Variants in TUT4 observed in about 807,000 individuals in gnomAD.
TUT4 encodes terminal uridylyltransferase 4.
TUT4 carries 36 observed loss-of-function variants against 192.2 expected under a neutral mutation model. That is an observed-to-expected ratio of 0.19 (90% confidence interval 0.14 to 0.25). The LOEUF (loss-of-function observed/expected upper bound fraction) is 0.25. Among genes scored for constraint, TUT4 ranks in the 10% least tolerant of loss-of-function variants. The probability of loss-of-function intolerance (pLI) is 1.00; values close to 1 mark genes in which losing one functional copy is unlikely to be tolerated. For missense variants in TUT4, 1,493 were observed against 1,957.2 expected, an observed-to-expected ratio of 0.76 and a Z score of 4.47; for synonymous variants, 618 against 666.0, an observed-to-expected ratio of 0.93 and a Z score of 1.11.
chr1:52,506,733 G>A (rs1407449675), intron 4 of TUT4, among the ~76,000 whole-genome samples: 1 of 151,962 alleles, frequency 6.6e-6, no homozygotes. Flanking sequence ...CTGTCTTACT[G>A]TCCTTCTCTG....
At chr1:52,532,602 T>C (rs946177851) in intron 1 of TUT4, among the ~76,000 whole-genome samples, 1 of 152,194 alleles carries the variant, frequency 6.6e-6, no homozygotes, top group Non-Finnish European at 1.5e-5. Context: ...TGAGCTACCA[T>C]GCCCGGCCTT....
At chr1:52,544,731 T>G (rs1230897131) in intron 1 of TUT4, among the ~76,000 whole-genome samples, 1 of 152,008 alleles carries the variant, frequency 6.6e-6, no homozygotes, top group Non-Finnish European at 1.5e-5. Flanking sequence ...ATTTAAAACT[T>G]TTGTTAATCA....
intron 1 of TUT4, among the ~76,000 whole-genome samples, chr1:52,552,491 A>G (rs929226524): frequency 2.0e-5 from 3 of 152,252 alleles, no homozygotes; most frequent in African/African-American, 7.2e-5. Context: ...ATTTATATAC[A>G]TTATGTAGTC....
At chr1:52,510,354 T>G (rs1360552737) in intron 3 of TUT4, among the ~76,000 whole-genome samples, 1 of 151,002 alleles carries the variant, frequency 6.6e-6, no homozygotes, top group Admixed American at 6.6e-5. Context: ...AAAGTGGTCT[T>G]GCTATTTAGT....
intron 1 of TUT4, among the ~76,000 whole-genome samples, chr1:52,533,717 G>C (rs777489321): frequency 6.6e-6 from 1 of 152,058 alleles, no homozygotes; most frequent in East Asian, 1.9e-4. Context: ...GCTGTAATCC[G>C]AGCACTTTGG....
chr1:52,498,744 G>C (rs1405841544), intron 4 of TUT4, among the ~76,000 whole-genome samples: 1 of 150,696 alleles, frequency 6.6e-6, no homozygotes, highest in African/African-American at 2.4e-5. Flanking sequence ...AAAATTAGGT[G>C]GGCATAGTAG....
chr1:52,481,698 GACAA>G, intron 10 of TUT4, 63 bp from the exon 11 acceptor site: 1 of 1,508,580 alleles, frequency 6.6e-7, no homozygotes, highest in Non-Finnish European at 9.0e-7. Flanking sequence ...AAAAAAGATG[GACAA>G]ACAGACAAAC....
chr1:52,423,717 A>G lies in TUT4; in HGVS notation c.*218T>C. On this transcript the variant is annotated 3_prime_UTR_variant, in exon 30 of 30. Coordinates refer to ENST00000257177, the MANE Select transcript of TUT4 (RefSeq NM_001009881.3). ...CTAGTAAAAACTATAGTTCATATTT[A>G]TATACAAATAATACAGTCTGTAAAA... The G allele has an allele frequency of 9.1e-7, 1 of 1,097,820 alleles. No individual in the cohort carries two copies. The highest frequency in any genetic ancestry group is 2.6e-5 in the Admixed American group (1 of 38,594). 68.0% of individuals were successfully genotyped at this position (1,097,820 alleles called of 1,614,324 possible).
At chr1:52,475,574 T>TA (rs1296296016) in intron 12 of TUT4, 39 bp from the exon 13 acceptor site, 1 of 1,511,754 alleles carries the variant, frequency 6.6e-7, no homozygotes, top group South Asian at 1.2e-5. Flanking sequence ...AAGTCTCTAC[T>TA]AACAAACTAC....
intron 1 of TUT4, among the ~76,000 whole-genome samples, chr1:52,547,293 G>C (rs532552946): frequency 2.6e-5 from 4 of 151,528 alleles, no homozygotes; most frequent in African/African-American, 9.7e-5. Context: ...CACATGAAGA[G>C]ATGCTCAACA....
intron 6 of TUT4, among the ~76,000 whole-genome samples, chr1:52,494,642 AGACTGCATCACTGCACT>A (rs1672025437): frequency 6.6e-6 from 1 of 152,222 alleles, no homozygotes; most frequent in African/African-American, 2.4e-5. Flanking sequence ...CAGTCAGCCG[AGACTGCATCACTGCACT>A]CCAGCCTGGG....
intron 20 of TUT4, among the ~76,000 whole-genome samples, chr1:52,453,695 C>T (rs1465450950): frequency 6.6e-6 from 1 of 152,158 alleles, no homozygotes; most frequent in Non-Finnish European, 1.5e-5. Context: ...TTCACCACTC[C>T]TTTTCAACAT....
At chr1:52,489,074 C>T (rs1180018230) in intron 8 of TUT4, 39 bp from the exon 9 acceptor site, 1 of 1,564,438 alleles carries the variant, frequency 6.4e-7, no homozygotes, top group Non-Finnish European at 8.6e-7. Context: ...TGTATTAATA[C>T]CCTTAAAAGC....
At chr1:52,446,804 G>T in intron 20 of TUT4, 137 bp from the exon 21 acceptor site, 1 of 609,124 alleles carries the variant, frequency 1.6e-6, no homozygotes, top group Non-Finnish European at 2.8e-6. Context: ...CAGGATGATG[G>T]TATAATTTGA....
At chr1:52,483,596 G>T (rs1003228016) in intron 9 of TUT4, among the ~76,000 whole-genome samples, 5 of 152,066 alleles carry the variant, frequency 3.3e-5, no homozygotes, top group Non-Finnish European at 5.9e-5. Flanking sequence ...GATGACTTAA[G>T]GTCAGGAGTT....
At chr1:52,481,140 G>C (rs922417106) in intron 11 of TUT4, among the ~76,000 whole-genome samples, 3 of 152,148 alleles carry the variant, frequency 2.0e-5, no homozygotes, top group African/African-American at 7.2e-5. Flanking sequence ...AGTCTGGTCA[G>C]AGCCCAACTC....
chr1:52,426,812 T>G (rs1650107259), intron 28 of TUT4, among the ~76,000 whole-genome samples: 1 of 152,226 alleles, frequency 6.6e-6, no homozygotes, highest in Non-Finnish European at 1.5e-5. Flanking sequence ...TGCCTGTTTT[T>G]CATAACCCAA....
At chr1:52,484,326 T>C (rs773037083) in intron 9 of TUT4, among the ~76,000 whole-genome samples, 4 of 152,228 alleles carry the variant, frequency 2.6e-5, no homozygotes, top group Admixed American at 6.5e-5. Context: ...GTATTAGATG[T>C]TATAAGTAAT....
At chr1:52,425,229 T>C (rs1403407549) in intron 29 of TUT4, 120 bp downstream of exon 29, 1 of 1,236,710 alleles carries the variant, frequency 8.1e-7, no homozygotes, top group Non-Finnish European at 1.1e-6. Context: ...CAGTATAATT[T>C]CTCAGTAAAT....
Sources: allele counts gnomAD v4.1 joint callset (sites outside exome capture counted in the v4.1 genomes callset), GRCh38; gene constraint gnomAD v4.1.1; transcripts MANE v1.5; gene names NCBI Gene and HGNC (gene_info 2026-07-23, HGNC 2026-07-21).